Variants in ANK1 observed in about 807,000 individuals in gnomAD.
The protein encoded by ANK1 is ankyrin-1.
A neutral mutation model predicts 210.4 loss-of-function variants in ANK1; 51 were observed. The observed-to-expected ratio is 0.24, with a 90% CI of 0.19 to 0.31. The LOEUF (loss-of-function observed/expected upper bound fraction) is 0.31. Ranked by LOEUF, ANK1 falls within the 10% of genes least tolerant of loss-of-function variation. ANK1 has a pLI of 1.00. For synonymous variants in ANK1, 967 were observed against 1,025.9 expected, an observed-to-expected ratio of 0.94 and a Z score of 1.10; for missense variants, 2,051 against 2,504.4, an observed-to-expected ratio of 0.82 and a Z score of 3.86.
At chr8:41,670,681 T>C (rs1218206825) in intron 38 of ANK1, among the ~76,000 whole-genome samples, 1 of 152,212 alleles carries the variant, frequency 6.6e-6, no homozygotes, top group Non-Finnish European at 1.5e-5. Flanking sequence ...TCCTGTGGAA[T>C]GGCCCCACTA....
At chr8:41,719,102 C>CA (rs1828534686) in intron 10 of ANK1, among the ~76,000 whole-genome samples, 1 of 152,192 alleles carries the variant, frequency 6.6e-6, no homozygotes, top group Admixed American at 6.5e-5. Context: ...ATGCTTAGTG[C>CA]AAAGCTACAG....
chr8:41,679,853 C>T (rs1014524429), intron 37 of ANK1, among the ~76,000 whole-genome samples: 11 of 152,164 alleles, frequency 7.2e-5, no homozygotes, highest in Admixed American at 2.0e-4. Context: ...CGTGAGCCAC[C>T]GCGCCCGGCC....
chr8:41,875,300 G>A (rs889771048), intron 1 of ANK1, among the ~76,000 whole-genome samples: 8 of 152,248 alleles, frequency 5.3e-5, no homozygotes, highest in African/African-American at 1.9e-4. Flanking sequence ...GAGGCTGGCA[G>A]CAGCAGGCAT....
In ANK1 at chr8:41,723,779, T is replaced by A. The variant is rs186970667; in HGVS notation, c.712-146A>T. ...ATTTCTGGCCTAAGATATTTTATTT[T>A]TTTTTATTTTTTATTTTTTTTTTTT... On this transcript the variant is annotated intron_variant, in intron 7 of 42. Coordinates refer to ENST00000289734, the MANE Select transcript of ANK1 (RefSeq NM_000037.4). 3,899 of 494,548 alleles carry A rather than the reference T, an allele frequency of 7.9e-3. 27 individuals carry two copies. The highest frequency in any genetic ancestry group is 0.011 in the Non-Finnish European group (3,274 of 288,354). The allele number at this position is 494,548 out of a possible 1,614,324, so 30.6% of individuals were successfully genotyped here.
At chr8:41,849,850 C>T (rs1422443678) in intron 1 of ANK1, among the ~76,000 whole-genome samples, 2 of 152,166 alleles carry the variant, frequency 1.3e-5, no homozygotes, top group Admixed American at 6.5e-5. Flanking sequence ...TTTGAGAAAA[C>T]TTATTCCAGC....
Position 41,715,000 on chromosome 8 carries a change from G to T in ANK1, c.1677C>A (p.Asp559Glu), listed in dbSNP as rs758094236. ...CTTTTCCGGCAGCATTCGGGTGTGCGTCCCGCTCCAGCAGCAGCTCTGCCA... is the reference window on the plus strand; with the variant it reads ...CTTTTCCGGCAGCATTCGGGTGTGCTTCCCGCTCCAGCAGCAGCTCTGCCA... Reference protein sequence around the residue: ...VRVAELLLERDAHPNAAGKNG... With the variant: ...VRVAELLLEREAHPNAAGKNG... Residue 559 changes from aspartate (D) to glutamate (E), a missense_variant, in exon 15 of 43, where the codon GAC (aspartate) becomes GAA (glutamate). By Grantham distance (45) the Asp-to-Glu change is conservative. This residue lies in a region of ANK1 where 1,413 missense variants were observed against 1,707.4 expected (regional missense o/e 0.83). Transcript: ENST00000289734. 1.9e-6 allele frequency: 3 copies of T among 1,614,052 alleles called. No individual in the cohort carries two copies. The highest frequency in any genetic ancestry group is 2.5e-6 in the Non-Finnish European group (3 of 1,180,048).
intron 1 of ANK1, among the ~76,000 whole-genome samples, chr8:41,809,548 C>A (rs1802153145): frequency 6.6e-6 from 1 of 152,196 alleles, no homozygotes; most frequent in Admixed American, 6.5e-5. Context: ...AGGAGGATCA[C>A]TTGAGCCCAG....
chr8:41,797,410 G>A lies in ANK1; in HGVS notation c.27+102C>T, dbSNP rs865845356. ...GCCCACGGGGAGGCGAGGCGGGTGG[G>A]GTGTGCAAAGCTGCTCTTGCTCGCG... is the stretch of plus-strand genomic sequence containing the variant. On this transcript the variant is annotated intron_variant, in intron 1 of 42. Transcript: ENST00000289734. The surrounding 1 kb of genome is among the most constrained non-coding windows in gnomAD (Gnocchi z 4.0). 46 of 1,050,314 alleles carry A rather than the reference G, an allele frequency of 4.4e-5. 1 individual carries two copies. In the Middle Eastern group the frequency reaches 3.6e-3, roughly 82 times the overall value. The allele number at this position is 1,050,314 out of a possible 1,614,324, so 65.1% of individuals were successfully genotyped here.
In ANK1 at chr8:41,663,842, A is replaced by G. The variant is rs374429332; in HGVS notation, c.5395-100T>C. 549 of 946,398 alleles carry G rather than the reference A, an allele frequency of 5.8e-4. 10 individuals carry two copies. In the East Asian group the frequency reaches 9.8e-3, roughly 17 times the overall value. The allele number at this position is 946,398 out of a possible 1,614,324, so 58.6% of individuals were successfully genotyped here. A position where few individuals can be genotyped will look rare whatever the true frequency, so the allele number is the denominator to read the frequency against. ...TGAAACAGCAGTAGCCACAATAGCC[A>G]TGGCCCAATAACTCCCCCAGCAGGA... On this transcript the variant is annotated intron_variant, in intron 39 of 42. Transcript: ENST00000289734.
intron 2 of ANK1, among the ~76,000 whole-genome samples, chr8:41,756,899 C>A (rs941509384): frequency 6.6e-6 from 1 of 152,168 alleles, no homozygotes; most frequent in South Asian, 2.1e-4. Flanking sequence ...TACAGAGGAA[C>A]CATGAAGACA....
intron 2 of ANK1, 29 bp from the exon 3 acceptor site, chr8:41,734,098 A>G (rs765353979): frequency 1.9e-6 from 3 of 1,591,566 alleles, no homozygotes; most frequent in South Asian, 1.1e-5. Context: ...CGGGAAGGGC[A>G]TGGTTAGTCA....
intron 2 of ANK1, among the ~76,000 whole-genome samples, chr8:41,755,100 G>A (rs577085955): frequency 6.6e-6 from 1 of 152,372 alleles, no homozygotes; most frequent in Non-Finnish European, 1.5e-5. Context: ...TGAGGCAGGA[G>A]CCTCCCCTCA....
At chr8:41,796,226 C>G (rs1848704006) in intron 1 of ANK1, among the ~76,000 whole-genome samples, 1 of 152,162 alleles carries the variant, frequency 6.6e-6, no homozygotes, top group Admixed American at 6.5e-5. Flanking sequence ...AAAACTGAGA[C>G]ACAGAGAAAA....
At chr8:41,765,392 G>A (rs1051456381) in intron 1 of ANK1, among the ~76,000 whole-genome samples, 4 of 136,974 alleles carry the variant, frequency 2.9e-5, no homozygotes, top group African/African-American at 5.3e-5. Context: ...AACTACAGGC[G>A]TGCACCACCA....
intron 6 of ANK1, 71 bp from the exon 7 acceptor site, chr8:41,724,625 G>T: frequency 7.0e-7 from 1 of 1,421,672 alleles, no homozygotes. Flanking sequence ...GCCCTGGGAT[G>T]CAGGAAACTC....
At chr8:41,878,552 G>C (rs142485885) in intron 1 of ANK1, among the ~76,000 whole-genome samples, 25 of 152,338 alleles carry the variant, frequency 1.6e-4, no homozygotes, top group Non-Finnish European at 2.9e-5. Flanking sequence ...AAAAATACAA[G>C]TGCTAGCCCA....
At chr8:41,842,142 G>A (rs1809037855) in intron 1 of ANK1, among the ~76,000 whole-genome samples, 1 of 152,194 alleles carries the variant, frequency 6.6e-6, no homozygotes, top group South Asian at 2.1e-4. Flanking sequence ...GCACCAGGGT[G>A]GACAGGGCAG....
intron 1 of ANK1, among the ~76,000 whole-genome samples, chr8:41,781,770 C>T (rs111590099): frequency 2.0e-5 from 3 of 152,296 alleles, no homozygotes; most frequent in South Asian, 2.1e-4. Flanking sequence ...CGACTCAGGG[C>T]GGTGACCCAG....
chr8:41,656,142 T>A (rs1357386925), intron 42 of ANK1, among the ~76,000 whole-genome samples: 1 of 152,250 alleles, frequency 6.6e-6, no homozygotes, highest in African/African-American at 2.4e-5. Context: ...TCCTTGTACT[T>A]AGGAAGAGCC....
Sources: gnomAD v4.1 joint callset for allele counts (sites outside exome capture counted in the v4.1 genomes callset) on GRCh38, gnomAD v4.1.1 for gene constraint, gnomAD v4.1.1 regional missense constraint, Gnocchi (gnomAD v3.1) non-coding constraint, MANE v1.5 for transcripts, NCBI Gene and HGNC (gene_info 2026-07-23, HGNC 2026-07-21) for gene names.